The following OPCML variants were observed in gnomAD, a reference collection of about 807,000 sequenced individuals.
OPCML encodes the protein opioid-binding protein/cell adhesion molecule.
In OPCML, 13 loss-of-function variants were observed where a neutral mutation model predicts 37.8. The ratio of observed to expected loss-of-function variants is 0.34; its 90% CI spans 0.22 to 0.55. OPCML has a LOEUF of 0.55. Ranked by LOEUF, OPCML falls within the 20% of genes least tolerant of loss-of-function variation. OPCML has a pLI of 0.91. For synonymous variants in OPCML, 176 were observed against 168.8 expected (o/e 1.04, Z -0.33); for missense variants, 341 against 435.6 (o/e 0.78, Z 1.93).
At chr11:133,101,433 C>T (rs1336488526) in intron 1 of OPCML, among the ~76,000 whole-genome samples, 1 of 152,112 alleles carries the variant, frequency 6.6e-6, no homozygotes, top group Non-Finnish European at 1.5e-5. Flanking sequence ...TTCTTAAAAT[C>T]CAACAAGAAA....
intron 2 of OPCML, among the ~76,000 whole-genome samples, chr11:132,768,382 A>G (rs1946528103): frequency 6.6e-6 from 1 of 152,162 alleles, no homozygotes. Flanking sequence ...GGAGTGATTC[A>G]TTTAACTCCT....
intron 4 of OPCML, among the ~76,000 whole-genome samples, chr11:132,475,129 G>C (rs2096151035): frequency 6.6e-6 from 1 of 152,130 alleles, no homozygotes; most frequent in Non-Finnish European, 1.5e-5. Flanking sequence ...AGCAAAGGTT[G>C]GGTTTTGGAG....
rs544372065 is a variant in OPCML, at chr11:133,239,401, G to C, written c.61+292863C>G. On this transcript the variant is annotated intron_variant, in intron 1 of 7. Coordinates refer to ENST00000524381, the MANE Select transcript of OPCML (RefSeq NM_001012393.5). The stretch of plus-strand genomic sequence containing the variant: ...CTACCATTTTCTGTAGTCTACAGTT[G>C]GCTGAGACAGGGGAGTGACATTTGA... 1.6e-3 allele frequency among the ~76,000 whole-genome samples: 248 copies of C among 152,332 alleles called. 2 individuals carry two copies. The highest frequency in any genetic ancestry group is 5.8e-3 in the African/African-American group (240 of 41,582).
At chr11:133,038,271 T>A (rs1947819706) in intron 1 of OPCML, among the ~76,000 whole-genome samples, 1 of 152,208 alleles carries the variant, frequency 6.6e-6, no homozygotes, top group Non-Finnish European at 1.5e-5. Context: ...TGTCTTAGTG[T>A]CTCTCTGGGG....
At chr11:132,529,365 T>G (rs2096317569) in intron 3 of OPCML, 179 bp from the exon 4 acceptor site, 1 of 277,416 alleles carries the variant, frequency 3.6e-6, no homozygotes, top group South Asian at 1.4e-4. Context: ...GTATTTATGG[T>G]AGAAGGAGCT....
At chr11:132,849,527 C>T (rs556070737) in intron 2 of OPCML, among the ~76,000 whole-genome samples, 2 of 152,230 alleles carry the variant, frequency 1.3e-5, no homozygotes, top group African/African-American at 2.4e-5. Context: ...CTGCTAAGTG[C>T]TATGGAGACA....
At chr11:133,465,978 C>A (rs1479357153) in intron 1 of OPCML, among the ~76,000 whole-genome samples, 3 of 152,164 alleles carry the variant, frequency 2.0e-5, no homozygotes, top group Non-Finnish European at 4.4e-5. Context: ...TGTTTAGCTA[C>A]AATGCCTTAC....
intron 3 of OPCML, among the ~76,000 whole-genome samples, chr11:132,627,743 T>A (rs1198102342): frequency 6.6e-6 from 1 of 152,184 alleles, no homozygotes; most frequent in East Asian, 1.9e-4. Context: ...ACTAGCCTAG[T>A]AGTAAGTGAA....
chr11:132,999,577 G>GGGA (rs372561939), intron 1 of OPCML, among the ~76,000 whole-genome samples: 1,962 of 145,502 alleles, frequency 0.013, 68 homozygotes, highest in African/African-American at 0.05. Flanking sequence ...GTCGGGGGGG[G>GGGA]AATGCCACCG....
At chr11:132,690,252 T>TA (rs1166648528) in intron 2 of OPCML, among the ~76,000 whole-genome samples, 3 of 152,162 alleles carry the variant, frequency 2.0e-5, no homozygotes, top group Non-Finnish European at 4.4e-5. Context: ...GCCAGGTTCT[T>TA]AAACTTAACG....
intron 1 of OPCML, among the ~76,000 whole-genome samples, chr11:133,497,097 G>A (rs1565668048): frequency 1.3e-5 from 2 of 152,172 alleles, no homozygotes; most frequent in South Asian, 4.1e-4. Flanking sequence ...TTTGCTGAGA[G>A]TTTTAATCAT....
intron 4 of OPCML, among the ~76,000 whole-genome samples, chr11:132,508,466 A>AG (rs2096262110): frequency 7.1e-6 from 1 of 141,668 alleles, no homozygotes; most frequent in African/African-American, 2.5e-5. Context: ...GATGCCAAAA[A>AG]AAACATTGGA....
At chr11:133,229,057 T>C (rs1940162651) in intron 1 of OPCML, among the ~76,000 whole-genome samples, 1 of 152,114 alleles carries the variant, frequency 6.6e-6, no homozygotes, top group Non-Finnish European at 1.5e-5. Flanking sequence ...TTCATATTCA[T>C]CTTGGAGCAG....
At chr11:132,488,390 G>T (rs539036123) in intron 4 of OPCML, among the ~76,000 whole-genome samples, 9 of 152,294 alleles carry the variant, frequency 5.9e-5, no homozygotes, top group Non-Finnish European at 1.2e-4. Context: ...TATACACTAG[G>T]CTAGATGGCA....
chr11:133,458,416 G>A (rs1338360041), intron 1 of OPCML, among the ~76,000 whole-genome samples: 1 of 62,318 alleles, frequency 1.6e-5, no homozygotes, highest in Admixed American at 1.4e-4. Context: ...ACACGTGTGT[G>A]TATATATATA....
rs750555534 is a variant in OPCML at position 132,657,311 on chromosome 11, A to C, written c.155T>G (p.Ile52Arg). ...QGESATLRCT[I>R]DDRVTRVAWL... ...GGCCACCCGGGTTACCCGGTCATCTATGGTACACCTGCAGTGAGGCAGGGA... is the reference window on the plus strand; with the variant it reads ...GGCCACCCGGGTTACCCGGTCATCTCTGGTACACCTGCAGTGAGGCAGGGA... Residue 52 changes from isoleucine to arginine, a missense_variant, in exon 3 of 8, where the codon ATA becomes AGA. Coordinates refer to ENST00000524381, the MANE Select transcript of OPCML (RefSeq NM_001012393.5). The C allele has an allele frequency of 6.2e-7, 1 of 1,614,222 alleles. No individual in the cohort carries two copies. Among genetic ancestry groups the C allele is most frequent in the Non-Finnish European group, 8.5e-7 (1 of 1,180,026 alleles).
At chr11:132,560,772 G>T (rs1402384591) in intron 3 of OPCML, among the ~76,000 whole-genome samples, 1 of 152,044 alleles carries the variant, frequency 6.6e-6, no homozygotes, top group Non-Finnish European at 1.5e-5. Flanking sequence ...ACTTTTTGAT[G>T]GGATTGTTTT....
intron 1 of OPCML, among the ~76,000 whole-genome samples, chr11:133,240,223 A>AC (rs1485345841): frequency 6.6e-6 from 1 of 151,306 alleles, no homozygotes; most frequent in African/African-American, 2.4e-5. Flanking sequence ...AAAAAAAAAA[A>AC]AAAAAAAAAA....
intron 1 of OPCML, among the ~76,000 whole-genome samples, chr11:133,350,967 T>G (rs1009669986): frequency 1.2e-4 from 18 of 152,122 alleles, no homozygotes; most frequent in African/African-American, 4.3e-4. Context: ...TGAATGCACA[T>G]GAGGAAGGAG....
Sources: allele counts gnomAD v4.1 joint callset (sites outside exome capture counted in the v4.1 genomes callset), GRCh38; gene constraint gnomAD v4.1.1; transcripts MANE v1.5; gene names NCBI Gene and HGNC (gene_info 2026-07-23, HGNC 2026-07-21).